ADCY2: variants seen among roughly 807,000 people sequenced by gnomAD.
The protein encoded by ADCY2 is adenylate cyclase 2, also known as adenylate cyclase type 2.
A neutral mutation model predicts 125.2 loss-of-function variants in ADCY2; 31 were observed. That is an observed-to-expected ratio of 0.25 (90% CI 0.19 to 0.33). ADCY2 has a LOEUF of 0.33. ADCY2 is among the 10% of genes least tolerant of loss of function. ADCY2 has a pLI of 1.00. For missense variants in ADCY2, 904 were observed against 1,418.2 expected (o/e 0.64, Z 5.82); for synonymous variants, 512 against 548.4 (o/e 0.93, Z 0.93).
chr5:7,455,219 C>G (rs1211139889), intron 2 of ADCY2, among the ~76,000 whole-genome samples: 1 of 152,176 alleles, frequency 6.6e-6, no homozygotes, highest in Non-Finnish European at 1.5e-5. Context: ...TTAGCTAAGG[C>G]ACCACAGTTA....
chr5:7,612,485 G>A lies in ADCY2; in HGVS notation c.571-13682G>A, dbSNP rs73050122. ...AGGAGGAAGCTGAGCAAATGAGAGT[G>A]ATGGTTTGGGGTGAGGCCTTGCCAC... is the stretch of plus-strand genomic sequence containing the variant. On this transcript the variant is annotated intron_variant, in intron 3 of 24. Coordinates refer to ENST00000338316, the MANE Select transcript of ADCY2 (RefSeq NM_020546.3). 9.2e-4 allele frequency among the ~76,000 whole-genome samples: 140 copies of A among 152,346 alleles called. 1 individual carries two copies. The highest frequency in any genetic ancestry group is 6.8e-3 in the Middle Eastern group (2 of 294).
intron 14 of ADCY2, among the ~76,000 whole-genome samples, chr5:7,728,405 C>A (rs574615750): frequency 6.6e-6 from 1 of 152,228 alleles, no homozygotes; most frequent in African/African-American, 2.4e-5. Flanking sequence ...GCAATGTGCT[C>A]CCTTGTGGAA....
intron 2 of ADCY2, among the ~76,000 whole-genome samples, chr5:7,481,714 A>G (rs1305129285): frequency 6.6e-6 from 1 of 152,138 alleles, no homozygotes; most frequent in Non-Finnish European, 1.5e-5. Context: ...TCCTTGTCAG[A>G]ACAGCAGTCT....
At chr5:7,443,666 AAAAG>A in intron 2 of ADCY2, among the ~76,000 whole-genome samples, 1 of 149,298 alleles carries the variant, frequency 6.7e-6, no homozygotes, top group Non-Finnish European at 1.5e-5. Context: ...AAAAAAAAAA[AAAAG>A]GATACGTATG....
chr5:7,413,455 G>A (rs928451639), intron 1 of ADCY2, among the ~76,000 whole-genome samples: 9 of 147,100 alleles, frequency 6.1e-5, no homozygotes, highest in Non-Finnish European at 1.2e-4. Flanking sequence ...CACCACGCGC[G>A]GCTAATTTTT....
At chr5:7,564,898 A>T (rs2126592628) in intron 3 of ADCY2, among the ~76,000 whole-genome samples, 1 of 151,448 alleles carries the variant, frequency 6.6e-6, no homozygotes, top group East Asian at 2.3e-4. Flanking sequence ...AGAGATAATG[A>T]AAAAGCATCA....
At chr5:7,444,183 G>A (rs1369148093) in intron 2 of ADCY2, among the ~76,000 whole-genome samples, 1 of 147,990 alleles carries the variant, frequency 6.8e-6, no homozygotes, top group Admixed American at 6.8e-5. Flanking sequence ...GCGGGATCTC[G>A]GCTCACTGCA....
At chr5:7,775,220 CATACAT>C (rs567290830) in intron 18 of ADCY2, among the ~76,000 whole-genome samples, 69 of 149,666 alleles carry the variant, frequency 4.6e-4, no homozygotes, top group Non-Finnish European at 3.1e-4. Flanking sequence ...TATGCACACA[CATACAT>C]ATACATATAC....
chr5:7,439,292 A>G (rs1740919937), intron 2 of ADCY2, among the ~76,000 whole-genome samples: 1 of 152,150 alleles, frequency 6.6e-6, no homozygotes, highest in South Asian at 2.1e-4. Flanking sequence ...TCATGGCTCA[A>G]GGTGAATGAG....
chr5:7,679,981 G>A lies in ADCY2; in HGVS notation c.721-10710G>A, dbSNP rs143924277. 6.9e-3 allele frequency among the ~76,000 whole-genome samples: 1,057 copies of A among 152,250 alleles called. 14 individuals carry two copies. Among genetic ancestry groups the A allele is most frequent in the African/African-American group, 0.025 (1,019 of 41,554 alleles). On this transcript the variant is annotated intron_variant, in intron 4 of 24. Transcript: ENST00000338316. Reference sequence around the variant, plus strand: ...CATCCTAGTGATGTCCTGGAGAGGTGCCATTCTGGAATGACAGGGGCAAGA... The same window carrying A: ...CATCCTAGTGATGTCCTGGAGAGGTACCATTCTGGAATGACAGGGGCAAGA...
chr5:7,509,442 A>AC (rs1335565973), intron 2 of ADCY2, among the ~76,000 whole-genome samples: 1 of 152,128 alleles, frequency 6.6e-6, no homozygotes. Flanking sequence ...TTCCCTCAGG[A>AC]CACCCATTTT....
At chr5:7,787,636 G>A (rs1035873520) in intron 19 of ADCY2, among the ~76,000 whole-genome samples, 1 of 151,838 alleles carries the variant, frequency 6.6e-6, no homozygotes, top group Non-Finnish European at 1.5e-5. Context: ...TTGGGAAGGT[G>A]ATAGATGATT....
intron 4 of ADCY2, among the ~76,000 whole-genome samples, chr5:7,662,234 C>T (rs1739557985): frequency 6.6e-6 from 1 of 152,154 alleles, no homozygotes; most frequent in South Asian, 2.1e-4. Context: ...TAACAGAACT[C>T]CTTAGGTTAG....
At chr5:7,581,849 A>G (rs1736448457) in intron 3 of ADCY2, among the ~76,000 whole-genome samples, 1 of 151,892 alleles carries the variant, frequency 6.6e-6, no homozygotes, top group Non-Finnish European at 1.5e-5. Flanking sequence ...AAAGAAAAAG[A>G]AAAGAAAAGA....
chr5:7,400,804 T>G (rs1436791771), intron 1 of ADCY2, among the ~76,000 whole-genome samples: 2 of 152,204 alleles, frequency 1.3e-5, no homozygotes, highest in Non-Finnish European at 2.9e-5. Context: ...CAACCAGTAA[T>G]TCTCTAAGTC....
intron 18 of ADCY2, among the ~76,000 whole-genome samples, chr5:7,777,940 C>G (rs916891658): frequency 2.6e-5 from 4 of 152,174 alleles, no homozygotes; most frequent in Admixed American, 2.6e-4. Flanking sequence ...ACGTGACCTG[C>G]TGGGACGTGA....
At chr5:7,554,282 A>G (rs886072913) in intron 3 of ADCY2, among the ~76,000 whole-genome samples, 6 of 152,226 alleles carry the variant, frequency 3.9e-5, no homozygotes, top group African/African-American at 1.2e-4. Context: ...TGATTTTTCA[A>G]TAGAGGCATT....
At chr5:7,484,531 G>A (rs148735169) in intron 2 of ADCY2, among the ~76,000 whole-genome samples, 21 of 152,248 alleles carry the variant, frequency 1.4e-4, no homozygotes, top group East Asian at 5.8e-4. Flanking sequence ...ACAATTCCAC[G>A]TCTTCTCTCC....
intron 3 of ADCY2, among the ~76,000 whole-genome samples, chr5:7,617,137 G>T (rs1034499411): frequency 3.3e-5 from 5 of 152,084 alleles, no homozygotes; most frequent in African/African-American, 1.2e-4. Flanking sequence ...TTTGTGTTCT[G>T]CCATGGGAGA....
Sources: allele counts gnomAD v4.1 joint callset (sites outside exome capture counted in the v4.1 genomes callset), GRCh38; gene constraint gnomAD v4.1.1; transcripts MANE v1.5; gene names NCBI Gene and HGNC (gene_info 2026-07-23, HGNC 2026-07-21).